The following ABCC11 variants were observed in gnomAD, a reference collection of about 807,000 sequenced individuals.
ABCC11 encodes ATP binding cassette subfamily C member 11, also known as ATP-binding cassette sub-family C member 11.
In ABCC11, 135 loss-of-function variants were observed where a neutral mutation model predicts 149.3. That is an observed-to-expected ratio of 0.90 (90% CI 0.79 to 1.04). The LOEUF is 1.04. ABCC11 is among the 50% of genes least tolerant of loss of function. ABCC11 has a pLI of 0.00. For synonymous variants in ABCC11, 665 were observed against 671.4 expected, an observed-to-expected ratio of 0.99 and a Z score of 0.15; for missense variants, 1,680 against 1,722.1, an observed-to-expected ratio of 0.98 and a Z score of 0.43.
chr16:48,222,611 A>T lies in ABCC11; in HGVS notation c.764T>A (p.Ile255Asn), dbSNP rs746379472. 6.2e-7 allele frequency: 1 copy of T among 1,614,070 alleles called. No homozygotes were observed. Among genetic ancestry groups the T allele is most frequent in the Non-Finnish European group, 8.5e-7 (1 of 1,179,908 alleles). The change falls in exon 6 of 30, where the codon ATC becomes AAC. Residue 255 changes from isoleucine to asparagine, a missense_variant. By Grantham distance (149) the Ile-to-Asn change is moderately radical. Transcript: ENST00000356608. ...CCAGCTGCTTACCTCTCCTGAGGTGATGTGTATTACAGACTTAAATTGGAT... is the reference window on the plus strand; with the variant it reads ...CCAGCTGCTTACCTCTCCTGAGGTGTTGTGTATTACAGACTTAAATTGGAT... ...KLIQFKSVIH[I>N]TSGEAISFFT...
intron 10 of ABCC11, among the ~76,000 whole-genome samples, chr16:48,211,551 C>A (rs1968926990): frequency 6.6e-6 from 1 of 152,092 alleles, no homozygotes; most frequent in African/African-American, 2.4e-5. Flanking sequence ...CAATTAAATT[C>A]TATTTAGATT....
At chr16:48,209,577 GC>G (rs1230489450) in intron 11 of ABCC11, 1 of 161,818 alleles carries the variant, frequency 6.2e-6, no homozygotes, top group Non-Finnish European at 1.3e-5. Context: ...TCACTGGCCT[GC>G]TGCTCACCTC....
intron 17 of ABCC11, among the ~76,000 whole-genome samples, chr16:48,196,824 G>C (rs1967463304): frequency 6.6e-6 from 1 of 152,198 alleles, no homozygotes; most frequent in African/African-American, 2.4e-5. Context: ...CTGAAGACCG[G>C]TACCTGGAGA....
chr16:48,182,918 T>C (rs893525672), intron 23 of ABCC11, among the ~76,000 whole-genome samples: 1 of 152,048 alleles, frequency 6.6e-6, no homozygotes, highest in Non-Finnish European at 1.5e-5. Flanking sequence ...AAAAGGGAGA[T>C]AATAAAAGTT....
At chr16:48,193,258 T>A (rs567613063) in intron 19 of ABCC11, among the ~76,000 whole-genome samples, 1 of 152,294 alleles carries the variant, frequency 6.6e-6, no homozygotes, top group South Asian at 2.1e-4. Flanking sequence ...AAGCTCTAAA[T>A]ACTTAGAGTG....
chr16:48,181,606 A>G (rs538880359), intron 23 of ABCC11, among the ~76,000 whole-genome samples: 3 of 149,510 alleles, frequency 2.0e-5, no homozygotes, highest in Non-Finnish European at 4.4e-5. Flanking sequence ...TCCAAACCAC[A>G]TGTTCTTTTT....
chr16:48,178,592 C>T lies in ABCC11; in HGVS notation c.3348+5G>A. Reference sequence around the variant, plus strand: ...CCCCACACCAGACCCAGACCTGAACCCCACCTTCATGTACTGCAGTATCCT... The same window carrying T: ...CCCCACACCAGACCCAGACCTGAACTCCACCTTCATGTACTGCAGTATCCT... On this transcript the variant is annotated splice_donor_5th_base_variant and intron_variant, in intron 24 of 29. Coordinates refer to ENST00000356608, the MANE Select transcript of ABCC11 (RefSeq NM_001370497.1). 6.2e-7 allele frequency: 1 copy of T among 1,613,980 alleles called. No individual in the cohort carries two copies. Among genetic ancestry groups the T allele is most frequent in the Non-Finnish European group, 8.5e-7 (1 of 1,179,930 alleles).
At chr16:48,231,683 G>C (rs956001225) in intron 2 of ABCC11, 140 bp downstream of exon 2, 39 of 1,225,974 alleles carry the variant, frequency 3.2e-5, no homozygotes, top group Non-Finnish European at 4.1e-5. Flanking sequence ...AAAAGAGAGA[G>C]AGAGAGAGCA....
chr16:48,211,899 A>G (rs1968960043), intron 10 of ABCC11, among the ~76,000 whole-genome samples: 1 of 152,236 alleles, frequency 6.6e-6, no homozygotes, highest in East Asian at 1.9e-4. Context: ...TATGGAAGTC[A>G]GGTTACATTC....
rs765887874 is a variant in ABCC11, at chr16:48,184,451, T to C, written c.3247A>G (p.Ile1083Val). The change falls in exon 23 of 30, where the codon ATC (isoleucine) becomes GTC (valine). Residue 1083 changes from isoleucine (I) to valine (V), a missense_variant. Transcript: ENST00000356608. ...AGTCACCCCCTCACCTGCAGCACGA[T>C]GTTGACAGCCATGACTTTAAAGGAG... The part of the protein sequence containing the change: ...PYSFKVMAVN[I>V]VLQLASSFQA... 1.2e-6 allele frequency: 2 copies of C among 1,613,938 alleles called. No homozygotes were observed. Among genetic ancestry groups the C allele is most frequent in the South Asian group, 1.1e-5 (1 of 91,054 alleles).
intron 4 of ABCC11, among the ~76,000 whole-genome samples, chr16:48,224,896 G>A (rs1191614592): frequency 6.6e-6 from 1 of 152,096 alleles, no homozygotes; most frequent in Non-Finnish European, 1.5e-5. Flanking sequence ...GGTGGCATGC[G>A]CCTGTAATCC....
chr16:48,212,109 C>T (rs535324104), intron 10 of ABCC11, among the ~76,000 whole-genome samples: 35 of 152,196 alleles, frequency 2.3e-4, no homozygotes, highest in Non-Finnish European at 4.6e-4. Context: ...TAGGAGCCTT[C>T]TCATAGCTGC....
intron 20 of ABCC11, among the ~76,000 whole-genome samples, chr16:48,190,384 A>G (rs926390384): frequency 6.6e-5 from 10 of 151,380 alleles, no homozygotes; most frequent in Admixed American, 2.0e-4. Context: ...TTTAAATGAG[A>G]TAGGGTCTCA....
intron 25 of ABCC11, among the ~76,000 whole-genome samples, chr16:48,176,652 T>A (rs554758893): frequency 1.3e-5 from 2 of 152,302 alleles, no homozygotes; most frequent in African/African-American, 4.8e-5. Flanking sequence ...TTATTCTGCA[T>A]ACCACCCTGT....
intron 1 of ABCC11, 97 bp downstream of exon 1, chr16:48,247,217 T>TAAAG (rs59629348): frequency 8.5e-5 from 12 of 141,840 alleles, no homozygotes; most frequent in African/African-American, 2.9e-4. Flanking sequence ...ACACTCTACT[T>TAAAG]AAAAAAAAAA....
At position 48,220,779 on chromosome 16, in the gene ABCC11, T is replaced by G. The variant is rs190215680; in HGVS notation, c.777+1819A>C. 2.0e-5 allele frequency among the ~76,000 whole-genome samples: 3 copies of G among 152,348 alleles called. No individual in the cohort carries two copies. The East Asian group carries it at 5.8e-4, about 29-fold the overall frequency. ...TTAGTGCTTGCATTTATGGAACGCC[T>G]CTACTTGATGGCAATGAATAATTCA... On this transcript the variant is annotated intron_variant, in intron 6 of 29. Transcript: ENST00000356608.
Position 48,203,232 on chromosome 16 carries a change from G to A in ABCC11, c.1874C>T (p.Thr625Ile). Residue 625 changes from threonine to isoleucine, a missense_variant, in exon 14 of 30, where the codon ACA (threonine) becomes ATA (isoleucine). By Grantham distance (89) the Thr-to-Ile change is moderately conservative. Coordinates refer to ENST00000356608, the MANE Select transcript of ABCC11 (RefSeq NM_001370497.1). ...DLELLPFGDM[T>I]EIGERGLNLS... Reference sequence around the variant, plus strand: ...GCAGGCTCGCCTCCCTCTCACCTCTGTCATGTCTCCAAAGGGCAGAAGTTC... The same window carrying A: ...GCAGGCTCGCCTCCCTCTCACCTCTATCATGTCTCCAAAGGGCAGAAGTTC... 6.4e-7 allele frequency: 1 copy of A among 1,573,486 alleles called. No homozygotes were observed. Among genetic ancestry groups the A allele is most frequent in the Non-Finnish European group, 8.6e-7 (1 of 1,158,402 alleles).
chr16:48,244,752 G>A (rs1971256069), intron 1 of ABCC11: 1 of 553,364 alleles, frequency 1.8e-6, no homozygotes. Context: ...CCGCCTCTCT[G>A]GTGCTATCAC....
chr16:48,241,487 T>C (rs1970966728), intron 1 of ABCC11, among the ~76,000 whole-genome samples: 1 of 152,142 alleles, frequency 6.6e-6, no homozygotes, highest in Admixed American at 6.5e-5. Flanking sequence ...ATTTATAGAT[T>C]CAATGCCATC....
Sources: gnomAD v4.1 joint callset for allele counts (sites outside exome capture counted in the v4.1 genomes callset) on GRCh38, gnomAD v4.1.1 for gene constraint, MANE v1.5 for transcripts, NCBI Gene and HGNC (gene_info 2026-07-23, HGNC 2026-07-21) for gene names.